The following PAX5 variants were observed in gnomAD, a reference collection of about 807,000 sequenced individuals.
PAX5 encodes paired box 5.
PAX5 carries 9 observed loss-of-function variants against 43.7 expected under a neutral mutation model. The ratio of observed to expected loss-of-function variants is 0.21; its 90% CI spans 0.12 to 0.36. The LOEUF is 0.36. Ranked by LOEUF, PAX5 falls within the 10% of genes least tolerant of loss-of-function variation. The probability of loss-of-function intolerance (pLI) is 1.00; values close to 1 mark genes in which losing one functional copy is unlikely to be tolerated. For missense variants in PAX5, 383 were observed against 532.7 expected (o/e 0.72, Z 2.77); for synonymous variants, 228 against 214.3 (o/e 1.06, Z -0.56).
chr9:36,935,499 C>A (rs1831476257), intron 6 of PAX5, among the ~76,000 whole-genome samples: 1 of 152,194 alleles, frequency 6.6e-6, no homozygotes, highest in Non-Finnish European at 1.5e-5. Flanking sequence ...TGCCAGGCCC[C>A]CCTCAGGCAC....
intron 8 of PAX5, among the ~76,000 whole-genome samples, chr9:36,872,652 A>G (rs537011746): frequency 6.6e-6 from 1 of 152,276 alleles, no homozygotes; most frequent in African/African-American, 2.4e-5. Context: ...AAGAGCTGAG[A>G]AAGCCTACAT....
At chr9:36,883,163 C>T (rs1207676156) in intron 7 of PAX5, among the ~76,000 whole-genome samples, 1 of 152,134 alleles carries the variant, frequency 6.6e-6, no homozygotes, top group African/African-American at 2.4e-5. Context: ...CAGTCTGCCC[C>T]CCTGCCCCCT....
At chr9:36,880,579 T>C (rs1826323904) in intron 8 of PAX5, among the ~76,000 whole-genome samples, 1 of 152,226 alleles carries the variant, frequency 6.6e-6, no homozygotes, top group Non-Finnish European at 1.5e-5. Flanking sequence ...TTAATTGTTT[T>C]TGAGACAGGG....
chr9:36,930,250 G>A (rs10814479), intron 6 of PAX5, among the ~76,000 whole-genome samples: 27,416 of 130,698 alleles, frequency 0.21, 3,353 homozygotes, highest in East Asian at 0.54. Context: ...TTGAGACAAG[G>A]TCTTGCTCTC....
intron 5 of PAX5, among the ~76,000 whole-genome samples, chr9:36,984,597 C>G (rs543973490): frequency 1.3e-5 from 2 of 151,788 alleles, no homozygotes; most frequent in African/African-American, 4.8e-5. Flanking sequence ...CACACAACCA[C>G]GCCAGGCTAA....
chr9:36,901,217 A>G (rs537380257), intron 7 of PAX5, among the ~76,000 whole-genome samples: 146 of 152,128 alleles, frequency 9.6e-4, no homozygotes, highest in African/African-American at 3.5e-3. Context: ...TGGCAGCCTC[A>G]GGGACCTGGG....
At chr9:36,913,989 C>T (rs1829528633) in intron 7 of PAX5, among the ~76,000 whole-genome samples, 1 of 152,194 alleles carries the variant, frequency 6.6e-6, no homozygotes, top group African/African-American at 2.4e-5. Context: ...CCCCCAACAG[C>T]TCCTGGGGGC....
chr9:36,959,675 G>A (rs538843254), intron 6 of PAX5, among the ~76,000 whole-genome samples: 1 of 152,298 alleles, frequency 6.6e-6, no homozygotes, highest in South Asian at 2.1e-4. Context: ...GGCCGTGCTA[G>A]CACCTCCTAA....
intron 5 of PAX5, among the ~76,000 whole-genome samples, chr9:36,991,299 T>A (rs1160563795): frequency 6.6e-6 from 1 of 152,060 alleles, no homozygotes; most frequent in Non-Finnish European, 1.5e-5. Flanking sequence ...GACAGAAAGA[T>A]CTAGAATCTA....
chr9:36,964,628 C>T (rs1205768198), intron 6 of PAX5, among the ~76,000 whole-genome samples: 1 of 151,970 alleles, frequency 6.6e-6, no homozygotes, highest in African/African-American at 2.4e-5. Flanking sequence ...AAACTTTCTT[C>T]CACATTCTGG....
At chr9:37,021,199 A>G (rs1839819566) in intron 1 of PAX5, among the ~76,000 whole-genome samples, 1 of 152,266 alleles carries the variant, frequency 6.6e-6, no homozygotes, top group Non-Finnish European at 1.5e-5. Flanking sequence ...TAAAGAGGAA[A>G]AAAATAAAAC....
chr9:36,852,439 G>C (rs922522330), intron 8 of PAX5, among the ~76,000 whole-genome samples: 2 of 152,220 alleles, frequency 1.3e-5, no homozygotes, highest in African/African-American at 4.8e-5. Context: ...TCAGAGGCCA[G>C]GTAGACAGGA....
chr9:36,903,553 C>T (rs986594924), intron 7 of PAX5, among the ~76,000 whole-genome samples: 2 of 152,326 alleles, frequency 1.3e-5, no homozygotes, highest in Admixed American at 1.3e-4. Context: ...CCTGAGGCTG[C>T]TGGGGCATGT....
intron 9 of PAX5, among the ~76,000 whole-genome samples, chr9:36,845,417 G>A (rs529586948): frequency 3.5e-4 from 54 of 152,274 alleles, no homozygotes; most frequent in African/African-American, 1.1e-3. Flanking sequence ...TTAGGTAAGC[G>A]GATATCTTGG....
chr9:36,993,483 C>G (rs1369724724), intron 5 of PAX5, among the ~76,000 whole-genome samples: 1 of 116,532 alleles, frequency 8.6e-6, no homozygotes, highest in African/African-American at 2.9e-5. Flanking sequence ...AATTTTGGTG[C>G]CAGAAAAAAA....
At chr9:36,959,099 G>A (rs565416974) in intron 6 of PAX5, among the ~76,000 whole-genome samples, 1 of 152,344 alleles carries the variant, frequency 6.6e-6, no homozygotes, top group Non-Finnish European at 1.5e-5. Context: ...CCCTAGTGAG[G>A]ATTCCTCAGG....
chr9:37,001,009 C>T (rs1029744688), intron 5 of PAX5, among the ~76,000 whole-genome samples: 4 of 152,212 alleles, frequency 2.6e-5, no homozygotes, highest in Non-Finnish European at 4.4e-5. Flanking sequence ...CATTTGTCAC[C>T]GTCCCTCTTA....
intron 5 of PAX5, among the ~76,000 whole-genome samples, chr9:36,989,316 AGAGGCAGACTGG>A (rs753418986): frequency 6.6e-6 from 1 of 152,216 alleles, no homozygotes; most frequent in Non-Finnish European, 1.5e-5. Context: ...ACCCTCTGTG[AGAGGCAGACTGG>A]GATGGCCAGT....
At chr9:36,942,559 C>T (rs574053284) in intron 6 of PAX5, among the ~76,000 whole-genome samples, 2 of 152,330 alleles carry the variant, frequency 1.3e-5, no homozygotes, top group Admixed American at 6.5e-5. Flanking sequence ...AGGGGTGGGA[C>T]GTGTGCAAGT....
Sources: gnomAD v4.1 joint callset for allele counts (sites outside exome capture counted in the v4.1 genomes callset) on GRCh38, gnomAD v4.1.1 for gene constraint, MANE v1.5 for transcripts, NCBI Gene and HGNC (gene_info 2026-07-23, HGNC 2026-07-21) for gene names.